Variants in CCNB3 observed in about 807,000 individuals in gnomAD.
The protein encoded by CCNB3 is cyclin B3, also known as G2/mitotic-specific cyclin-B3.
In CCNB3, 12 loss-of-function variants were observed where a neutral mutation model predicts 68.0. The ratio of observed to expected loss-of-function variants is 0.18; its 90% CI spans 0.11 to 0.29. The LOEUF is 0.29. Ranked by LOEUF, CCNB3 falls within the 10% of genes least tolerant of loss-of-function variation. The pLI, the probability that CCNB3 is intolerant of heterozygous loss-of-function variation, is 1.00. For missense variants in CCNB3, 904 were observed against 993.1 expected (o/e 0.91, Z 1.21); for synonymous variants, 354 against 388.9 (o/e 0.91, Z 1.06).
intron 1 of CCNB3, among the ~76,000 whole-genome samples, chrX:50,279,087 T>G (rs1253666925): frequency 1.7e-5 from 1 of 59,408 alleles, no homozygotes; most frequent in Non-Finnish European, 2.8e-5. Context: ...TATATAAATA[T>G]ATATTAATAT....
intron 1 of CCNB3, among the ~76,000 whole-genome samples, chrX:50,212,083 G>GT (rs1402029139): frequency 8.9e-6 from 1 of 111,820 alleles, no homozygotes; most frequent in East Asian, 2.8e-4. Flanking sequence ...ATTCTCAACA[G>GT]TTTTACATTC....
chrX:50,219,968 C>G (rs1284169560), intron 1 of CCNB3, among the ~76,000 whole-genome samples: 1 of 111,082 alleles, frequency 9.0e-6, no homozygotes, highest in Non-Finnish European at 1.9e-5. Context: ...TTGTAGTTCT[C>G]CGTGAAGAGG....
chrX:50,203,224 G>T (rs1437978002), upstream of CCNB3, among the ~76,000 whole-genome samples: 2 of 111,283 alleles, frequency 1.8e-5, no homozygotes, highest in Non-Finnish European at 3.8e-5. Flanking sequence ...ATACACTCTC[G>T]GTTTGCATTT....
intron 3 of CCNB3, among the ~76,000 whole-genome samples, chrX:50,288,315 T>G (rs781784701): frequency 1.8e-5 from 2 of 110,293 alleles, no homozygotes; most frequent in African/African-American, 6.6e-5. Context: ...AGATATTTGT[T>G]AAATTATTAA....
intron 8 of CCNB3, among the ~76,000 whole-genome samples, chrX:50,325,462 T>C (rs1481687291): frequency 8.9e-6 from 1 of 112,243 alleles, no homozygotes; most frequent in African/African-American, 3.2e-5. Flanking sequence ...AAATGAAAAA[T>C]TCAAACTTGC....
intron 8 of CCNB3, among the ~76,000 whole-genome samples, chrX:50,324,992 T>G (rs781978453): frequency 1.4e-4 from 16 of 111,620 alleles, no homozygotes; most frequent in Non-Finnish European, 5.6e-5. Flanking sequence ...AATGATAATT[T>G]CTTTCTTAAA....
intron 1 of CCNB3, among the ~76,000 whole-genome samples, chrX:50,283,082 ATCAGG>A (rs1213402590): frequency 9.0e-6 from 1 of 111,649 alleles, no homozygotes; most frequent in Non-Finnish European, 1.9e-5. Context: ...CCTGCCATGC[ATCAGG>A]TTTTGTACAT....
chrX:50,301,135 G>A (rs1011839857), intron 5 of CCNB3, among the ~76,000 whole-genome samples: 10 of 111,040 alleles, frequency 9.0e-5, no homozygotes, highest in African/African-American at 2.6e-4. Flanking sequence ...CTCTCAACTC[G>A]TCAAAGTCAT....
At chrX:50,212,694 C>A (rs1173088779) in intron 1 of CCNB3, among the ~76,000 whole-genome samples, 145 of 110,742 alleles carry the variant, frequency 1.3e-3, no homozygotes, top group South Asian at 2.0e-3. Flanking sequence ...CCTATACATC[C>A]CAGCTTTAGG....
At chrX:50,291,490 C>T (rs782737101) in intron 4 of CCNB3, among the ~76,000 whole-genome samples, 97 of 110,540 alleles carry the variant, frequency 8.8e-4, no homozygotes, top group African/African-American at 3.1e-3. Flanking sequence ...TCTTGAACTC[C>T]TAGGCTCAAG....
At chrX:50,347,901 G>A in intron 11 of CCNB3, 126 bp downstream of exon 11, 1 of 643,459 alleles carries the variant, frequency 1.6e-6, no homozygotes, top group East Asian at 3.6e-5. Flanking sequence ...ATTCACCACT[G>A]TGAACTCTAA....
intron 8 of CCNB3, among the ~76,000 whole-genome samples, chrX:50,323,493 C>G (rs1463248074): frequency 9.1e-6 from 1 of 110,259 alleles, no homozygotes; most frequent in Non-Finnish European, 1.9e-5. Context: ...GTGCAGCACA[C>G]CAACATGGCA....
intron 8 of CCNB3, among the ~76,000 whole-genome samples, chrX:50,337,591 A>G (rs1245968234): frequency 1.8e-5 from 2 of 111,178 alleles, no homozygotes; most frequent in Non-Finnish European, 3.8e-5. Flanking sequence ...TGGCCAGTCT[A>G]TCTCACACAA....
At chrX:50,226,192 T>A (rs1471095734) in intron 1 of CCNB3, among the ~76,000 whole-genome samples, 1 of 67,520 alleles carries the variant, frequency 1.5e-5, no homozygotes, top group Non-Finnish European at 2.4e-5. Flanking sequence ...GATATATAAA[T>A]ATATATAGAA....
chrX:50,227,657 T>C (rs1433743885), intron 1 of CCNB3, among the ~76,000 whole-genome samples: 1 of 6,005 alleles, frequency 1.7e-4, no homozygotes, highest in Non-Finnish European at 3.0e-4. Context: ...AGAATATATA[T>C]AAAAATATAT....
At position 50,328,395 on chromosome X, in the gene CCNB3, A is replaced by G. The variant is rs1922401548; in HGVS notation, c.3517-13807A>G. On this transcript the variant is annotated intron_variant, in intron 8 of 12. Coordinates refer to ENST00000376042, the MANE Select transcript of CCNB3 (RefSeq NM_033031.3). Reference sequence around the variant, plus strand: ...CATGGAGATTTTTACTCATTGCAGAAGGTGAAGCAGGAGGAAGCACATCAC... The same window carrying G: ...CATGGAGATTTTTACTCATTGCAGAGGGTGAAGCAGGAGGAAGCACATCAC... Among the ~76,000 whole-genome samples, 3 of 112,122 alleles carry G rather than the reference A, an allele frequency of 2.7e-5. 1 individual carries two copies. The South Asian group carries it at 1.1e-3, about 42-fold the overall frequency.
intron 5 of CCNB3, among the ~76,000 whole-genome samples, chrX:50,300,318 G>T (rs922966599): frequency 2.7e-5 from 3 of 111,155 alleles, no homozygotes; most frequent in African/African-American, 9.8e-5. Context: ...AGCTCTTTTA[G>T]GGCAGGCCTG....
chrX:50,297,893 A>G (rs1936515362), intron 5 of CCNB3, among the ~76,000 whole-genome samples: 1 of 111,583 alleles, frequency 9.0e-6, no homozygotes, highest in South Asian at 3.8e-4. Flanking sequence ...CTTTGAAGCA[A>G]TTGTGAATGG....
In CCNB3 at chrX:50,298,479, A is replaced by C. The variant is rs905583316; in HGVS notation, c.335+3486A>C. Among the ~76,000 whole-genome samples the C allele has an allele frequency of 2.7e-5, 3 of 111,918 alleles. No individual in the cohort carries two copies. The Admixed American group carries it at 2.8e-4, about 11-fold the overall frequency. On this transcript the variant is annotated intron_variant, in intron 5 of 12. Coordinates refer to ENST00000376042, the MANE Select transcript of CCNB3 (RefSeq NM_033031.3). ...AACCAGCCTTGCATCCCAGGGATGA[A>C]GCCCACTTGATCATGGTGGATAAGC...
Sources: allele counts gnomAD v4.1 joint callset (sites outside exome capture counted in the v4.1 genomes callset), GRCh38; gene constraint gnomAD v4.1.1; transcripts MANE v1.5; gene names NCBI Gene and HGNC (gene_info 2026-07-23, HGNC 2026-07-21).